CTXND1: variants seen among roughly 807,000 people sequenced by gnomAD.
CTXND1 encodes cortexin domain-containing 1 protein.
In CTXND1 at chr15:80,228,810, GT is replaced by G. The variant is rs375313804; in HGVS notation, c.-218+23196del. Among the ~76,000 whole-genome samples, 637 of 151,924 alleles carry G rather than the reference GT, an allele frequency of 4.2e-3. 5 individuals carry two copies. Among genetic ancestry groups the G allele is most frequent in the African/African-American group, 0.014 (588 of 41,410 alleles). ...TACCCAGCTAATTTTTGTATTTTTA[GT>G]TAGAGACGGGGTTTCACCATCTTGG... On this transcript the variant is annotated intron_variant, in intron 1 of 2. Coordinates refer to ENST00000560778, the MANE Select transcript of CTXND1 (RefSeq NM_001352888.2).
intron 1 of CTXND1, among the ~76,000 whole-genome samples, chr15:80,204,647 G>GTATATATATATA (rs35359063): frequency 0.022 from 2,857 of 130,990 alleles, 75 homozygotes; most frequent in East Asian, 0.057. Context: ...ATATTCCATT[G>GTATATATATATA]TATATATATA....
chr15:80,208,513 A>G (rs1445714466), intron 1 of CTXND1, among the ~76,000 whole-genome samples: 3 of 152,186 alleles, frequency 2.0e-5, no homozygotes, highest in Non-Finnish European at 2.9e-5. Flanking sequence ...TACAAACAAT[A>G]CTATAACAAG....
chr15:80,223,046 A>ATAAG (rs1893334078), intron 1 of CTXND1, among the ~76,000 whole-genome samples: 1 of 152,186 alleles, frequency 6.6e-6, no homozygotes, highest in Admixed American at 6.5e-5. Context: ...TTCACTTAAC[A>ATAAG]TAAGGTCTAT....
At chr15:80,231,923 T>C (rs1432469427) in intron 1 of CTXND1, among the ~76,000 whole-genome samples, 1 of 152,174 alleles carries the variant, frequency 6.6e-6, no homozygotes, top group Non-Finnish European at 1.5e-5. Flanking sequence ...TGGACTGTTA[T>C]GGTTATTAAG....
chr15:80,202,706 G>A (rs186069553), intron 2 of CTXND1, among the ~76,000 whole-genome samples: 389 of 152,356 alleles, frequency 2.6e-3, no homozygotes, highest in Non-Finnish European at 4.1e-3. Context: ...CTGCTGTCAT[G>A]GAAGAGAGTG....
intron 1 of CTXND1, among the ~76,000 whole-genome samples, chr15:80,240,240 C>G: frequency 6.6e-6 from 1 of 152,320 alleles, no homozygotes; most frequent in East Asian, 1.9e-4. Flanking sequence ...GGTGGGATTA[C>G]AGGCATCAGC....
intron 1 of CTXND1, among the ~76,000 whole-genome samples, chr15:80,217,296 T>C (rs1893264025): frequency 6.6e-6 from 1 of 152,178 alleles, no homozygotes; most frequent in African/African-American, 2.4e-5. Context: ...TATCTTAATA[T>C]AGAACCAATT....
At chr15:80,229,937 C>T (rs1893410674) in intron 1 of CTXND1, among the ~76,000 whole-genome samples, 1 of 152,166 alleles carries the variant, frequency 6.6e-6, no homozygotes, top group South Asian at 2.1e-4. Flanking sequence ...GGCTGGAAGG[C>T]CCTGTGTTGA....
At chr15:80,232,215 A>G (rs1185062305) in intron 1 of CTXND1, among the ~76,000 whole-genome samples, 1 of 152,096 alleles carries the variant, frequency 6.6e-6, no homozygotes, top group Non-Finnish European at 1.5e-5. Flanking sequence ...TGTGTGGGAA[A>G]TTCTCCTGAA....
At chr15:80,207,393 CT>C (rs1893158603) in intron 1 of CTXND1, among the ~76,000 whole-genome samples, 1 of 152,034 alleles carries the variant, frequency 6.6e-6, no homozygotes, top group African/African-American at 2.4e-5. Flanking sequence ...TTAAATCTAC[CT>C]ATTCACATTT....
chr15:80,238,037 C>T (rs964143711), intron 1 of CTXND1, among the ~76,000 whole-genome samples: 1 of 125,306 alleles, frequency 8.0e-6, no homozygotes, highest in Non-Finnish European at 1.7e-5. Flanking sequence ...AAAATTAAAA[C>T]AATTTAAGTT....
chr15:80,240,281 G>A (rs1052637761), intron 1 of CTXND1, among the ~76,000 whole-genome samples: 3 of 143,474 alleles, frequency 2.1e-5, no homozygotes, highest in Non-Finnish European at 4.4e-5. Flanking sequence ...ACTTTATTAA[G>A]GGGGGTCCCA....
chr15:80,227,973 G>A (rs1285283317), intron 1 of CTXND1, among the ~76,000 whole-genome samples: 2 of 152,168 alleles, frequency 1.3e-5, no homozygotes, highest in African/African-American at 4.8e-5. Context: ...TAAAAATTGG[G>A]GTCAGTCCTC....
At chr15:80,240,402 G>T (rs910590586) in intron 1 of CTXND1, among the ~76,000 whole-genome samples, 1 of 152,110 alleles carries the variant, frequency 6.6e-6, no homozygotes, top group Non-Finnish European at 1.5e-5. Flanking sequence ...GTTCTGCCAG[G>T]CGTCCCAGAT....
Position 80,201,617 on chromosome 15 carries a change from G to T in CTXND1, c.*153C>A, listed in dbSNP as rs898049373. ...ATTCCACGCTGGTGCTCGAGGGAGG[G>T]CTGAGAGGGCTAAGCTGCACCTTCT... is the stretch of plus-strand genomic sequence containing the variant. On this transcript the variant is annotated 3_prime_UTR_variant, in exon 3 of 3. Transcript: ENST00000560778. 11 of 396,472 alleles carry T rather than the reference G, an allele frequency of 2.8e-5. No homozygotes were observed. The highest frequency in any genetic ancestry group is 2.3e-4 in the African/African-American group (11 of 48,576). 24.6% of individuals were successfully genotyped at this position (396,472 alleles called of 1,614,324 possible). A position where few individuals can be genotyped will look rare whatever the true frequency, so the allele number is the denominator to read the frequency against.
At chr15:80,238,930 A>T (rs1368826044) in intron 1 of CTXND1, among the ~76,000 whole-genome samples, 1 of 152,234 alleles carries the variant, frequency 6.6e-6, no homozygotes, top group African/African-American at 2.4e-5. Context: ...GTGTAAGCAC[A>T]TGCTATGATG....
chr15:80,227,185 T>C (rs545017440), intron 1 of CTXND1, among the ~76,000 whole-genome samples: 1 of 152,208 alleles, frequency 6.6e-6, no homozygotes, highest in Admixed American at 6.5e-5. Context: ...AGCAAACAAC[T>C]GGTACACAAG....
In CTXND1 at chr15:80,211,499, C is replaced by T. The variant is rs569257833; in HGVS notation, c.-217-7759G>A. ...CCAATCACATCGTTCTGTGGGACTG[C>T]ACTTGGTGGCCTCACTCCTCTACCA... is the stretch of plus-strand genomic sequence containing the variant. On this transcript the variant is annotated intron_variant, in intron 1 of 2. Transcript: ENST00000560778. Among the ~76,000 whole-genome samples, 3 of 152,262 alleles carry T rather than the reference C, an allele frequency of 2.0e-5. No homozygotes were observed. In the East Asian group the frequency reaches 5.8e-4, roughly 29 times the overall value.
chr15:80,234,332 G>A (rs916320099), intron 1 of CTXND1, among the ~76,000 whole-genome samples: 1 of 152,162 alleles, frequency 6.6e-6, no homozygotes, highest in Non-Finnish European at 1.5e-5. Flanking sequence ...TCATCCAAGC[G>A]ATGGGCTAAA....
Sources: allele counts gnomAD v4.1 joint callset (sites outside exome capture counted in the v4.1 genomes callset), GRCh38; gene constraint gnomAD v4.1.1; transcripts MANE v1.5; gene names NCBI Gene and HGNC (gene_info 2026-07-23, HGNC 2026-07-21).